The following ZNF554 variants were observed in gnomAD, a reference collection of about 807,000 sequenced individuals.
The protein encoded by ZNF554 is zinc finger protein 554.
A neutral mutation model predicts 21.2 loss-of-function variants in ZNF554; 15 were observed. The ratio of observed to expected loss-of-function variants is 0.71; its 90% CI spans 0.47 to 1.09. ZNF554 has a LOEUF of 1.09. Among genes scored for constraint, ZNF554 ranks in the 50% least tolerant of loss-of-function variants. The probability of loss-of-function intolerance (pLI) is 0.00; values close to 1 mark genes in which losing one functional copy is unlikely to be tolerated. For missense variants in ZNF554, 691 were observed against 662.7 expected (o/e 1.04, Z -0.47); for synonymous variants, 258 against 251.4 (o/e 1.03, Z -0.25).
chr19:2,832,818 C>T (rs1247467591), intron 4 of ZNF554, among the ~76,000 whole-genome samples: 1 of 152,168 alleles, frequency 6.6e-6, no homozygotes, highest in Admixed American at 6.5e-5. Flanking sequence ...AGTGATCCTC[C>T]TGCCTCAGTC....
In ZNF554 at chr19:2,832,347, C is replaced by A. The variant is rs1370356024; in HGVS notation, c.298C>A (p.Pro100Thr). 1.2e-6 allele frequency: 2 copies of A among 1,612,558 alleles called. No homozygotes were observed. Among genetic ancestry groups the A allele is most frequent in the Non-Finnish European group, 1.7e-6 (2 of 1,179,504 alleles). ...TACTGATGTGGGGATTAAAGAGGGT[C>A]CACTTTCCCCAGCACAAACCTCACA... is the stretch of plus-strand genomic sequence containing the variant. ...QCTDVGIKEG[P>T]LSPAQTSQVT... The change falls in exon 4 of 5, where the codon CCA (proline) becomes ACA (threonine). Residue 100 changes from proline (P) to threonine (T), a missense_variant. Coordinates refer to ENST00000317243, the MANE Select transcript of ZNF554 (RefSeq NM_001102651.2).
rs376304682 is a variant in ZNF554, at chr19:2,834,496, T to G, written c.1261T>G (p.Ser421Ala). The G allele has an allele frequency of 6.2e-7, 1 of 1,613,760 alleles. No homozygotes were observed. The highest frequency in any genetic ancestry group is 8.5e-7 in the Non-Finnish European group (1 of 1,180,008). The change falls in exon 5 of 5, where the codon TCT (serine) becomes GCT (alanine). Residue 421 changes from serine (S) to alanine (A), a missense_variant. Transcript: ENST00000317243. Reference sequence around the variant, plus strand: ...CTGTGGGAAATCCTTCTGCCAGAGCTCTTACCTGATCTTGCACAAGAGGAC... The same window carrying G: ...CTGTGGGAAATCCTTCTGCCAGAGCGCTTACCTGATCTTGCACAAGAGGAC... ...EDCGKSFCQS[S>A]YLILHKRTHT...
rs2087460737 is a variant in ZNF554, at chr19:2,834,096, CT to C, written c.864del (p.Phe288LeufsTer18). 1.2e-6 allele frequency: 2 copies of C among 1,614,052 alleles called. No homozygotes were observed. Among genetic ancestry groups the C allele is most frequent in the East Asian group, 4.5e-5 (2 of 44,884 alleles). ...GAAATGCCATCCGCCAGAACAGTCA[CT>C]TTATTCAACACGGGGGGAAGATGTT... ...CGNAIRQNSHFIQHGGKMFVY... is the reference protein window; with the variant it reads ...CGNAIRQNSHXIQHGGKMFVY... On this transcript the variant is annotated frameshift_variant, in exon 5 of 5. Coordinates refer to ENST00000317243, the MANE Select transcript of ZNF554 (RefSeq NM_001102651.2). LOFTEE classifies it low-confidence loss of function (END_TRUNC).
At chr19:2,820,683 C>CTTTTTTTTTTTTTTTTTTTTTTTTTT (rs1568330714) in intron 1 of ZNF554, among the ~76,000 whole-genome samples, 4 of 81,836 alleles carry the variant, frequency 4.9e-5, no homozygotes, top group African/African-American at 2.4e-4. Context: ...CAGCAAGGGT[C>CTTTTTTTTTTTTTTTTTTTTTTTTTT]CTTTTTTTTT....
intron 3 of ZNF554, chr19:2,832,013 C>T (rs548739426): frequency 2.9e-4 from 61 of 208,294 alleles, no homozygotes; most frequent in Non-Finnish European, 5.3e-4. Flanking sequence ...GCAACCTCTG[C>T]CTCCTGGGTT....
intron 1 of ZNF554, among the ~76,000 whole-genome samples, chr19:2,820,345 C>G (rs947391678): frequency 5.3e-5 from 8 of 152,342 alleles, no homozygotes; most frequent in African/African-American, 1.9e-4. Context: ...GACGCATAAG[C>G]TTTCCGAGGC....
At chr19:2,820,175 G>T (rs891821777) in intron 1 of ZNF554, 51 bp downstream of exon 1, 19 of 1,213,522 alleles carry the variant, frequency 1.6e-5, no homozygotes, top group Non-Finnish European at 1.9e-5. Flanking sequence ...GCCTGCCGGG[G>T]CTCTGGTGGG....
At chr19:2,826,511 A>G (rs2144810185) in intron 2 of ZNF554, among the ~76,000 whole-genome samples, 1 of 152,054 alleles carries the variant, frequency 6.6e-6, no homozygotes, top group African/African-American at 2.4e-5. Flanking sequence ...CAACTTTTAC[A>G]TCTTACAGCA....
In ZNF554 at chr19:2,834,889, T is replaced by C. The variant is rs754849116; in HGVS notation, c.*37T>C. ...TGCTTTGTAAGCCACTTTTTAGTAC[T>C]CTGACACATACATGTGGTTATCTTT... is the stretch of plus-strand genomic sequence containing the variant. On this transcript the variant is annotated 3_prime_UTR_variant, in exon 5 of 5. Transcript: ENST00000317243. The C allele has an allele frequency of 2.6e-6, 4 of 1,515,316 alleles. No homozygotes were observed. The South Asian group carries it at 3.8e-5, about 14-fold the overall frequency. The allele number at this position is 1,515,316 out of a possible 1,614,324, so 93.9% of individuals were successfully genotyped here. A position where few individuals can be genotyped will look rare whatever the true frequency, so the allele number is the denominator to read the frequency against.
At chr19:2,825,003 GTTTTTTTTTTTTTTT>G (rs140025750) in intron 2 of ZNF554, among the ~76,000 whole-genome samples, 33 of 97,704 alleles carry the variant, frequency 3.4e-4, no homozygotes, top group South Asian at 3.0e-3. Context: ...GATTGCAGTT[GTTTTTTTTTTTTTTT>G]TTTTTTTTTT....
At chr19:2,820,924 A>T (rs1364116992) in intron 1 of ZNF554, among the ~76,000 whole-genome samples, 1 of 151,338 alleles carries the variant, frequency 6.6e-6, no homozygotes, top group Non-Finnish European at 1.5e-5. Flanking sequence ...TCAGCCTCCC[A>T]AAGTGCTGGG....
chr19:2,828,762 G>C (rs1250931435), intron 3 of ZNF554, among the ~76,000 whole-genome samples: 2 of 151,866 alleles, frequency 1.3e-5, no homozygotes, highest in African/African-American at 4.8e-5. Context: ...TTACAATCAC[G>C]GCAGAAGGGG....
At position 2,819,952 on chromosome 19, in the gene ZNF554, C is replaced by T. The variant is rs1049234950; in HGVS notation, c.-120C>T. On this transcript the variant is annotated 5_prime_UTR_variant, in exon 1 of 5. Coordinates refer to ENST00000317243, the MANE Select transcript of ZNF554 (RefSeq NM_001102651.2). The stretch of plus-strand genomic sequence containing the variant: ...GAGGGGCGCCTGCGGGGGGCGTCCG[C>T]TCCGAGCGCCGAGGAGCCGAGCGGA... 64 of 799,124 alleles carry T rather than the reference C, an allele frequency of 8.0e-5. No homozygotes were observed. Among genetic ancestry groups the T allele is most frequent in the Middle Eastern group, 4.7e-4 (1 of 2,136 alleles). 49.5% of individuals were successfully genotyped at this position (799,124 alleles called of 1,614,324 possible). A position where few individuals can be genotyped will look rare whatever the true frequency, so the allele number is the denominator to read the frequency against.
At position 2,834,158 on chromosome 19, in the gene ZNF554, G is replaced by A. The variant is rs1488933009; in HGVS notation, c.923G>A (p.Gly308Asp). 6.2e-7 allele frequency: 1 copy of A among 1,613,984 alleles called. No homozygotes were observed. The highest frequency in any genetic ancestry group is 8.5e-7 in the Non-Finnish European group (1 of 1,180,036). The change falls in exon 5 of 5, where the codon GGT becomes GAT. Residue 308 changes from glycine to aspartate, a missense_variant. By Grantham distance (94) the Gly-to-Asp change is moderately conservative. Transcript: ENST00000317243. ...GAAAATGGGCAGTCATTGAACCACG[G>A]TATGGCCCTGACTATCCACAACAAA... ...YLENGQSLNH[G>D]MALTIHNKIN...
At position 2,833,783 on chromosome 19, in the gene ZNF554, A is replaced by G; in HGVS notation, c.548A>G (p.Asp183Gly). 1 of 1,609,102 alleles carries G rather than the reference A, an allele frequency of 6.2e-7. No homozygotes were observed. Among genetic ancestry groups the G allele is most frequent in the Non-Finnish European group, 8.5e-7 (1 of 1,178,176 alleles). ...AATATGATAAAGCTTATCAGAGAAG[A>G]TGGGGGATGGAAGCAGTTAGAGGAC... ...GINMIKLIRE[D>G]GGWKQLEDSH... is the part of the protein sequence containing the mutation. The change falls in exon 5 of 5, where the codon GAT becomes GGT. Residue 183 changes from aspartate to glycine, a missense_variant. Asp to Gly is a moderately conservative substitution (Grantham distance 94). Transcript: ENST00000317243.
intron 2 of ZNF554, among the ~76,000 whole-genome samples, chr19:2,823,365 G>A (rs955657833): frequency 6.6e-6 from 1 of 152,156 alleles, no homozygotes; most frequent in Non-Finnish European, 1.5e-5. Flanking sequence ...TTTCTGGCTG[G>A]AAACCTCTGT....
intron 2 of ZNF554, among the ~76,000 whole-genome samples, chr19:2,823,731 G>T (rs150248412): frequency 2.1e-4 from 32 of 152,190 alleles, no homozygotes; most frequent in African/African-American, 7.2e-4. Context: ...GCAGCTGGTC[G>T]TCCGGTCCCA....
intron 2 of ZNF554, among the ~76,000 whole-genome samples, chr19:2,826,848 G>C (rs1385118575): frequency 6.6e-6 from 1 of 151,972 alleles, no homozygotes; most frequent in African/African-American, 2.4e-5. Flanking sequence ...ATTTTTAGTA[G>C]AGACGGGGTT....
intron 1 of ZNF554, among the ~76,000 whole-genome samples, 180 bp downstream of exon 1, chr19:2,820,304 C>T (rs923480007): frequency 2.6e-5 from 4 of 152,200 alleles, no homozygotes; most frequent in Non-Finnish European, 4.4e-5. Context: ...CACGGTCTGC[C>T]CTTGCCCTGT....
Sources: gnomAD v4.1 joint callset for allele counts (sites outside exome capture counted in the v4.1 genomes callset) on GRCh38, gnomAD v4.1.1 for gene constraint, MANE v1.5 for transcripts, NCBI Gene and HGNC (gene_info 2026-07-23, HGNC 2026-07-21) for gene names.